The following PTPRB variants were observed in gnomAD, a reference collection of about 807,000 sequenced individuals.
PTPRB encodes the protein receptor-type tyrosine-protein phosphatase beta.
In PTPRB, 97 loss-of-function variants were observed where a neutral mutation model predicts 238.1. That is an observed-to-expected ratio of 0.41 (90% CI 0.35 to 0.48). The LOEUF is 0.48. Ranked by LOEUF, PTPRB falls within the 20% of genes least tolerant of loss-of-function variation. The pLI is 0.30. For missense variants in PTPRB, 2,292 were observed against 2,681.9 expected (o/e 0.85, Z 3.21); for synonymous variants, 970 against 995.4 (o/e 0.97, Z 0.48).
chr12:70,576,669 CGGGGGGGG>C lies in PTPRB; in HGVS notation c.2579-32_2579-25del. 2 of 112,726 alleles carry C rather than the reference CGGGGGGGG, an allele frequency of 1.8e-5. 1 individual carries two copies. The highest frequency in any genetic ancestry group is 8.5e-4 in the Admixed American group (2 of 2,342). 7.0% of individuals were successfully genotyped at this position (112,726 alleles called of 1,614,324 possible). The stretch of plus-strand genomic sequence containing the variant: ...GACTGTGATTTTGAAAGGTGGGGGG[CGGGGGGGG>C]GGGGGAAGGGGGATTCAAAAAGAAA... On this transcript the variant is annotated intron_variant, in intron 10 of 33. Coordinates refer to ENST00000334414, the MANE Select transcript of PTPRB (RefSeq NM_001109754.4).
intron 28 of PTPRB, among the ~76,000 whole-genome samples, chr12:70,536,782 G>A (rs1874193008): frequency 1.3e-5 from 2 of 152,144 alleles, no homozygotes; most frequent in South Asian, 4.1e-4. Flanking sequence ...TGTCACCTCT[G>A]CCATCGCCAC....
chr12:70,613,450 G>A (rs537745749), intron 3 of PTPRB, among the ~76,000 whole-genome samples: 1 of 152,046 alleles, frequency 6.6e-6, no homozygotes, highest in African/African-American at 2.4e-5. Context: ...TAGAGCTCTT[G>A]TGCCTGTCAT....
chr12:70,626,533 A>T (rs1230564696), intron 2 of PTPRB, among the ~76,000 whole-genome samples: 1 of 151,906 alleles, frequency 6.6e-6, no homozygotes, highest in Non-Finnish European at 1.5e-5. Flanking sequence ...TGTACTGAAC[A>T]TGTACAGACA....
At position 70,566,619 on chromosome 12, in the gene PTPRB, C is replaced by A. The variant is rs1218792612; in HGVS notation, c.3720G>T (p.Val1240=). The A allele has an allele frequency of 6.2e-7, 1 of 1,613,944 alleles. No homozygotes were observed. The highest frequency in any genetic ancestry group is 2.2e-5 in the East Asian group (1 of 44,874). Residue 1240 remains valine, a synonymous_variant, in exon 15 of 34, where the codon GTG becomes GTT. Coordinates refer to ENST00000334414, the MANE Select transcript of PTPRB (RefSeq NM_001109754.4). The stretch of plus-strand genomic sequence containing the variant: ...GAAGCAGGATATCATATCTTTCTGC[C>A]ACACCAGCAGCTTTTTGCCAACTTA... ...LIVSWQKAAG[V]AERYDILLLT...
intron 4 of PTPRB, among the ~76,000 whole-genome samples, chr12:70,607,548 CTTTTTT>C (rs546758555): frequency 1.5e-5 from 2 of 137,114 alleles, no homozygotes; most frequent in African/African-American, 2.7e-5. Flanking sequence ...TTTTCCTTTT[CTTTTTT>C]TTTTTTTTTT....
chr12:70,588,070 T>C (rs1193720765), intron 8 of PTPRB, among the ~76,000 whole-genome samples: 4 of 120,622 alleles, frequency 3.3e-5, no homozygotes, highest in Admixed American at 1.1e-4. Flanking sequence ...CACTCCAGCC[T>C]AGGCAACAGA....
At chr12:70,548,837 T>C (rs1483432806) in intron 21 of PTPRB, among the ~76,000 whole-genome samples, 2 of 152,230 alleles carry the variant, frequency 1.3e-5, no homozygotes, top group East Asian at 3.9e-4. Context: ...AATTTGTGTA[T>C]TTAAACCTCC....
chr12:70,592,449 T>C lies in PTPRB; in HGVS notation c.1613A>G (p.Tyr538Cys). 1.2e-6 allele frequency: 2 copies of C among 1,613,876 alleles called. No individual in the cohort carries two copies. Among genetic ancestry groups the C allele is most frequent in the Non-Finnish European group, 1.7e-6 (2 of 1,179,794 alleles). Reference sequence around the variant, plus strand: ...CCCTTTGTGAGACAGGGTGATATTGTAAGAATCCACATTTCCAGGAGGTCT... The same window carrying C: ...CCCTTTGTGAGACAGGGTGATATTGCAAGAATCCACATTTCCAGGAGGTCT... The part of the protein sequence containing the change: ...WQRPPGNVDS[Y>C]NITLSHKGTI... Residue 538 changes from tyrosine (Y) to cysteine (C), a missense_variant, in exon 7 of 34, where the codon TAC becomes TGC. Around this residue, in one of 4 missense-constraint regions of PTPRB, gnomAD observed 1,205 missense variants for 1,287.8 expected, o/e 0.94. Coordinates refer to ENST00000334414, the MANE Select transcript of PTPRB (RefSeq NM_001109754.4).
chr12:70,594,743 T>C lies in PTPRB; in HGVS notation c.1259-19A>G, dbSNP rs1461964204. ...GATGGCACTAGTGGGATAAAATGCA[T>C]GTCCAAATGTCATTAATAATTCCCT... On this transcript the variant is annotated intron_variant, in intron 5 of 33. Transcript: ENST00000334414. The C allele has an allele frequency of 8.1e-6, 13 of 1,612,280 alleles. No individual in the cohort carries two copies. The highest frequency in any genetic ancestry group is 6.7e-5 in the East Asian group (3 of 44,882).
chr12:70,600,244 T>C (rs552981832), intron 4 of PTPRB, among the ~76,000 whole-genome samples: 37 of 152,300 alleles, frequency 2.4e-4, no homozygotes, highest in African/African-American at 8.4e-4. Context: ...ATTACATCTG[T>C]ATAGGACCTG....
chr12:70,596,976 G>A (rs1397014815), intron 4 of PTPRB, among the ~76,000 whole-genome samples: 1 of 151,558 alleles, frequency 6.6e-6, no homozygotes, highest in Non-Finnish European at 1.5e-5. Context: ...GGAGTGCAGT[G>A]GCGTGATCTC....
chr12:70,596,997 A>C lies in PTPRB; in HGVS notation c.980-670T>G, dbSNP rs371392446. 3.1e-4 allele frequency among the ~76,000 whole-genome samples: 47 copies of C among 151,644 alleles called. No homozygotes were observed. In the East Asian group the frequency reaches 7.8e-3, roughly 25 times the overall value. ...CAGTGGCGTGATCTCGGCTCACTGC[A>C]ACCTCCGCCTCCCGGGTTCAAGCAA... On this transcript the variant is annotated intron_variant, in intron 4 of 33. Transcript: ENST00000334414.
At chr12:70,527,416 G>A (rs1286151799) in intron 32 of PTPRB, among the ~76,000 whole-genome samples, 1 of 152,178 alleles carries the variant, frequency 6.6e-6, no homozygotes, top group Non-Finnish European at 1.5e-5. Context: ...CAGCTAAAAT[G>A]CTGGTTGCAT....
chr12:70,536,788 G>A (rs894503572), intron 28 of PTPRB, among the ~76,000 whole-genome samples: 4 of 152,000 alleles, frequency 2.6e-5, no homozygotes, highest in African/African-American at 7.3e-5. Context: ...CTCTGCCATC[G>A]CCACCCCCGC....
At chr12:70,585,485 C>T (rs905185012) in intron 9 of PTPRB, among the ~76,000 whole-genome samples, 4 of 151,878 alleles carry the variant, frequency 2.6e-5, no homozygotes, top group African/African-American at 9.7e-5. Flanking sequence ...GGAGTGGTTT[C>T]CCCCATGCTG....
chr12:70,518,537 C>T lies in PTPRB; in HGVS notation c.*2952G>A, dbSNP rs1041438965. ...TAATATGAACAGTAGATAAAAATCA[C>T]ATTCAACTGGGAAAACAAACATATT... is the stretch of plus-strand genomic sequence containing the variant. On this transcript the variant is annotated 3_prime_UTR_variant, in exon 34 of 34. Transcript: ENST00000334414. 3.3e-5 allele frequency: 5 copies of T among 152,122 alleles called. No individual in the cohort carries two copies. The highest frequency in any genetic ancestry group is 2.6e-4 in the Admixed American group (4 of 15,268). 9.4% of individuals were successfully genotyped at this position (152,122 alleles called of 1,614,324 possible).
intron 3 of PTPRB, among the ~76,000 whole-genome samples, chr12:70,611,891 C>T (rs1172431728): frequency 1.3e-5 from 2 of 152,194 alleles, no homozygotes; most frequent in Non-Finnish European, 2.9e-5. Flanking sequence ...ACCTGTCAGC[C>T]TCATCAGTGG....
intron 32 of PTPRB, among the ~76,000 whole-genome samples, chr12:70,524,987 G>A (rs201023144): frequency 1.4e-4 from 19 of 137,602 alleles, no homozygotes; most frequent in East Asian, 8.2e-4. Context: ...GTGTGTGTGT[G>A]TGTATATATA....
Position 70,556,193 on chromosome 12 carries a change from A to ATTT in PTPRB, c.4715-48_4715-46dup, listed in dbSNP as rs11424259. ...CAACACTTTTCAGAACTCAGGGAGA[A>ATTT]TTTTTTTTTTTCAGCTCCTTTGGGT... On this transcript the variant is annotated intron_variant, in intron 18 of 33. Transcript: ENST00000334414. 1.4e-3 allele frequency: 2,011 copies of ATTT among 1,390,046 alleles called. 2 individuals are homozygous for ATTT. The highest frequency in any genetic ancestry group is 1.7e-3 in the Non-Finnish European group (1,780 of 1,032,468). 86.1% of individuals were successfully genotyped at this position (1,390,046 alleles called of 1,614,324 possible). A position where few individuals can be genotyped will look rare whatever the true frequency, so the allele number is the denominator to read the frequency against.
Sources: gnomAD v4.1 joint callset for allele counts (sites outside exome capture counted in the v4.1 genomes callset) on GRCh38, gnomAD v4.1.1 for gene constraint, gnomAD v4.1.1 regional missense constraint, MANE v1.5 for transcripts, NCBI Gene and HGNC (gene_info 2026-07-23, HGNC 2026-07-21) for gene names.